KANK2: variants seen among roughly 807,000 people sequenced by gnomAD.
KANK2 encodes the protein KN motif and ankyrin repeat domain-containing protein 2.
Under a neutral mutation model 74.6 loss-of-function variants are expected in KANK2, and 41 were observed. That is an observed-to-expected ratio of 0.55 (90% CI 0.43 to 0.71). The LOEUF is 0.71. Among genes scored for constraint, KANK2 ranks in the 30% least tolerant of loss-of-function variants. The pLI is 0.00. For synonymous variants in KANK2, 537 were observed against 519.0 expected, an observed-to-expected ratio of 1.03 and a Z score of -0.47; for missense variants, 1,148 against 1,196.4, an observed-to-expected ratio of 0.96 and a Z score of 0.60.
chr19:11,194,147 G>T lies in KANK2; in HGVS notation c.38-105C>A, dbSNP rs558167664. ...TGGGGTTTATTTGCCGAAGAGATGGGAGCCCACCTGGTACTCAACCGCGTC... is the reference window on the plus strand; with the variant it reads ...TGGGGTTTATTTGCCGAAGAGATGGTAGCCCACCTGGTACTCAACCGCGTC... On this transcript the variant is annotated intron_variant, in intron 3 of 12. Transcript: ENST00000586659. The T allele has an allele frequency of 2.3e-4, 289 of 1,258,898 alleles. No individual in the cohort carries two copies. The African/African-American group carries it at 3.8e-3, about 17-fold the overall frequency. The allele number at this position is 1,258,898 out of a possible 1,614,324, so 78.0% of individuals were successfully genotyped here.
At chr19:11,196,681 G>C (rs1004892587) in intron 1 of KANK2, 1 of 152,440 alleles carries the variant, frequency 6.6e-6, no homozygotes, top group African/African-American at 2.4e-5. Flanking sequence ...GAAAGGAGAC[G>C]AGGGGGTGTG....
chr19:11,194,472 G>A lies in KANK2; in HGVS notation c.37+3C>T, dbSNP rs755592007. On this transcript the variant is annotated splice_donor_region_variant and intron_variant, in intron 3 of 12. Transcript: ENST00000586659. The stretch of plus-strand genomic sequence containing the variant: ...CAGGGCCCTCTTCCCTGAGTCCCCT[G>A]ACCTGGGAAGGGAGCAGGCACGTGC... The A allele has an allele frequency of 1.5e-5, 24 of 1,610,828 alleles. No individual in the cohort carries two copies. In the South Asian group the frequency reaches 2.4e-4, roughly 16 times the overall value.
At chr19:11,174,747 A>AC in intron 8 of KANK2, 55 bp from the exon 9 acceptor site, 2 of 1,383,448 alleles carry the variant, frequency 1.4e-6, no homozygotes, top group Non-Finnish European at 2.0e-6. Flanking sequence ...CCACTGGGAC[A>AC]CCCCCCACCC....
chr19:11,196,563 A>G (rs2079025677), intron 1 of KANK2: 2 of 152,198 alleles, frequency 1.3e-5, no homozygotes. Flanking sequence ...CTCAGACTCC[A>G]CATCAGATAT....
intron 4 of KANK2, among the ~76,000 whole-genome samples, chr19:11,180,790 T>A (rs2078491108): frequency 6.6e-6 from 1 of 152,006 alleles, no homozygotes; most frequent in Non-Finnish European, 1.5e-5. Context: ...GCGCCTAACT[T>A]GAAATCCTGG....
intron 10 of KANK2, among the ~76,000 whole-genome samples, chr19:11,171,072 G>C (rs1279048270): frequency 2.0e-5 from 3 of 152,136 alleles, no homozygotes; most frequent in Non-Finnish European, 4.4e-5. Flanking sequence ...CGCCCGCCTA[G>C]GTTTACAGGC....
At chr19:11,173,994 C>G (rs570067271) in intron 9 of KANK2, among the ~76,000 whole-genome samples, 16 of 149,632 alleles carry the variant, frequency 1.1e-4, no homozygotes, top group African/African-American at 3.7e-4. Context: ...GAGGGTGGTG[C>G]CCCCCCCATC....
At chr19:11,191,668 G>A (rs1568652828) in intron 4 of KANK2, among the ~76,000 whole-genome samples, 1 of 152,238 alleles carries the variant, frequency 6.6e-6, no homozygotes, top group African/African-American at 2.4e-5. Flanking sequence ...ACAGACAGAT[G>A]CCTGGAGCAG....
intron 12 of KANK2, 28 bp downstream of exon 12, chr19:11,169,849 G>C: frequency 6.3e-7 from 1 of 1,582,050 alleles, no homozygotes. Context: ...CACCCATCCC[G>C]TGCCTACCCG....
rs375041295 is a variant in KANK2, at chr19:11,174,700, C to T, written c.1849-8G>A. 2.1e-4 allele frequency: 339 copies of T among 1,588,998 alleles called. 1 individual carries two copies. Among genetic ancestry groups the T allele is most frequent in the East Asian group, 3.9e-4 (17 of 43,688 alleles). On this transcript the variant is annotated splice_region_variant and splice_polypyrimidine_tract_variant and intron_variant, in intron 8 of 12. Coordinates refer to ENST00000586659, the MANE Select transcript of KANK2 (RefSeq NM_001136191.3). ...TGTGGTGTAGGCCACTTTCTGCATG[C>T]GAGTCAGGTGGGAGAGGATGTGAGG...
At chr19:11,184,807 C>A (rs1297318233) in intron 4 of KANK2, among the ~76,000 whole-genome samples, 1 of 146,234 alleles carries the variant, frequency 6.8e-6, no homozygotes, top group East Asian at 2.0e-4. Context: ...CAGGGAACTT[C>A]TTTTTTTTCT....
In KANK2 at chr19:11,176,703, G is replaced by C; in HGVS notation, c.1635C>G (p.Pro545=). ...CTGCCGTCCCTGCAGGCCTGAGCTG[G>C]GGGGCTTCGGCCACACTCGGAACCC... ...RERVPSVAEA[P]QLRPAGTAAA... is the part of the protein sequence containing the mutation. Residue 545 remains proline (P), a synonymous_variant, in exon 7 of 13, where the codon CCC becomes CCG. Coordinates refer to ENST00000586659, the MANE Select transcript of KANK2 (RefSeq NM_001136191.3). 1 of 1,612,906 alleles carries C rather than the reference G, an allele frequency of 6.2e-7. No individual in the cohort carries two copies. Among genetic ancestry groups the C allele is most frequent in the African/African-American group, 1.3e-5 (1 of 75,012 alleles).
At position 11,174,340 on chromosome 19, in the gene KANK2, A is replaced by G. The variant is rs929323969; in HGVS notation, c.2068+133T>C. ...AGACTGGGAGAGAGGTGTTCCCTCTATTATACTGAGAAGGCCGCGTCTCCT... is the reference window on the plus strand; with the variant it reads ...AGACTGGGAGAGAGGTGTTCCCTCTGTTATACTGAGAAGGCCGCGTCTCCT... On this transcript the variant is annotated intron_variant, in intron 9 of 12. Transcript: ENST00000586659. 4 of 733,680 alleles carry G rather than the reference A, an allele frequency of 5.5e-6. No individual in the cohort carries two copies. The African/African-American group carries it at 6.9e-5, about 13-fold the overall frequency. 45.4% of individuals were successfully genotyped at this position (733,680 alleles called of 1,614,324 possible).
chr19:11,193,314 G>A lies in KANK2; in HGVS notation c.766C>T (p.Pro256Ser). The change falls in exon 4 of 13, where the codon CCA (proline) becomes TCA (serine). Residue 256 changes from proline (P) to serine (S), a missense_variant. Transcript: ENST00000586659. This position sits in a 1 kb window ranked among gnomAD's most constrained non-coding sequence, Gnocchi z 9.6. ...GTCTCCAGTGCCACTGGGTCCTCTG[G>A]GGGATCGGGGAGGTCCAGGCAGAGC... The part of the protein sequence containing the change: ...SELCLDLPDP[P>S]EDPVALETRS... 1 of 1,612,542 alleles carries A rather than the reference G, an allele frequency of 6.2e-7. No individual in the cohort carries two copies. Among genetic ancestry groups the A allele is most frequent in the Non-Finnish European group, 8.5e-7 (1 of 1,179,948 alleles).
intron 4 of KANK2, among the ~76,000 whole-genome samples, chr19:11,188,631 C>T (rs1323228532): frequency 6.6e-6 from 1 of 151,312 alleles, no homozygotes; most frequent in African/African-American, 2.4e-5. Context: ...CTGTGCTCCT[C>T]CCTGGAACAT....
chr19:11,187,724 C>T (rs1426210950), intron 4 of KANK2, among the ~76,000 whole-genome samples: 1 of 152,166 alleles, frequency 6.6e-6, no homozygotes, highest in African/African-American at 2.4e-5. Context: ...AATGAAGGCC[C>T]TGAAGCACCA....
At chr19:11,189,184 T>C (rs1171457033) in intron 4 of KANK2, among the ~76,000 whole-genome samples, 1 of 121,950 alleles carries the variant, frequency 8.2e-6, no homozygotes, top group Non-Finnish European at 1.6e-5. Flanking sequence ...CTCGACCCCC[T>C]GGGCTCAAGC....
chr19:11,184,030 C>A (rs535230315), intron 4 of KANK2, among the ~76,000 whole-genome samples: 41 of 152,224 alleles, frequency 2.7e-4, no homozygotes, highest in African/African-American at 7.9e-4. Context: ...TTTAAAAATT[C>A]TTCCAAGCAC....
At chr19:11,172,689 G>A (rs2078211296) in intron 10 of KANK2, among the ~76,000 whole-genome samples, 1 of 152,162 alleles carries the variant, frequency 6.6e-6, no homozygotes, top group South Asian at 2.1e-4. Flanking sequence ...AGCTTCAGGA[G>A]ACCATGCCTG....
Sources: allele counts gnomAD v4.1 joint callset (sites outside exome capture counted in the v4.1 genomes callset), GRCh38; gene constraint gnomAD v4.1.1; non-coding constraint Gnocchi (gnomAD v3.1); transcripts MANE v1.5; gene names NCBI Gene and HGNC (gene_info 2026-07-23, HGNC 2026-07-21).